The following FHIT variants were observed in gnomAD, a reference collection of about 807,000 sequenced individuals.
FHIT encodes the protein bis(5'-adenosyl)-triphosphatase.
A neutral mutation model predicts 17.9 loss-of-function variants in FHIT; 19 were observed. The observed-to-expected ratio is 1.06, with a 90% CI of 0.74 to 1.56. The LOEUF (loss-of-function observed/expected upper bound fraction) is 1.56. FHIT is among the 40% of genes most tolerant of loss of function. The probability of loss-of-function intolerance (pLI) is 0.00; values close to 1 mark genes in which losing one functional copy is unlikely to be tolerated. For synonymous variants in FHIT, 81 were observed against 69.7 expected, an observed-to-expected ratio of 1.16 and a Z score of -0.81; for missense variants, 248 against 189.2, an observed-to-expected ratio of 1.31 and a Z score of -1.82.
intron 5 of FHIT, among the ~76,000 whole-genome samples, chr3:60,469,179 G>A (rs1021470370): frequency 1.3e-5 from 2 of 152,016 alleles, no homozygotes; most frequent in Non-Finnish European, 2.9e-5. Context: ...TTACCTTCCT[G>A]TACTTAAATA....
intron 5 of FHIT, among the ~76,000 whole-genome samples, chr3:60,052,636 A>G (rs1392395317): frequency 6.6e-6 from 1 of 151,958 alleles, no homozygotes; most frequent in Non-Finnish European, 1.5e-5. Context: ...CCAGACAGGA[A>G]ACCAAACCAC....
At chr3:60,164,234 C>G (rs1373303807) in intron 5 of FHIT, among the ~76,000 whole-genome samples, 3 of 152,164 alleles carry the variant, frequency 2.0e-5, no homozygotes, top group African/African-American at 4.8e-5. Flanking sequence ...AACACATCAG[C>G]AGAACTTTCT....
At chr3:60,658,475 G>A (rs1418595861) in intron 4 of FHIT, among the ~76,000 whole-genome samples, 2 of 151,868 alleles carry the variant, frequency 1.3e-5, no homozygotes, top group Non-Finnish European at 2.9e-5. Flanking sequence ...AGTTACCACA[G>A]GGATTATATT....
intron 2 of FHIT, among the ~76,000 whole-genome samples, chr3:61,143,101 T>C (rs773704966): frequency 6.1e-4 from 93 of 152,282 alleles, no homozygotes; most frequent in African/African-American, 2.1e-3. Flanking sequence ...ATTGTGAAGA[T>C]ACAAGTTTGA....
At chr3:60,677,000 T>C (rs1010895110) in intron 4 of FHIT, among the ~76,000 whole-genome samples, 2 of 152,010 alleles carry the variant, frequency 1.3e-5, no homozygotes, top group Non-Finnish European at 1.5e-5. Context: ...TGAGCCTCCA[T>C]AGTAGCTGGG....
intron 5 of FHIT, among the ~76,000 whole-genome samples, chr3:60,466,797 A>G (rs572241918): frequency 7.2e-6 from 1 of 139,816 alleles, no homozygotes; most frequent in Non-Finnish European, 1.6e-5. Flanking sequence ...TTTTGCATCT[A>G]TATTCATCAG....
At chr3:60,106,916 C>T (rs1398056391) in intron 5 of FHIT, among the ~76,000 whole-genome samples, 1 of 152,094 alleles carries the variant, frequency 6.6e-6, no homozygotes, top group Admixed American at 6.5e-5. Flanking sequence ...AAATGTGAAA[C>T]TTCCTTGTGA....
chr3:60,415,434 A>G (rs1169822772), intron 5 of FHIT, among the ~76,000 whole-genome samples: 1 of 152,170 alleles, frequency 6.6e-6, no homozygotes, highest in Non-Finnish European at 1.5e-5. Flanking sequence ...ACCTTTGTGA[A>G]GCTACGACAA....
At chr3:60,088,221 C>T (rs866253673) in intron 5 of FHIT, among the ~76,000 whole-genome samples, 8 of 152,100 alleles carry the variant, frequency 5.3e-5, no homozygotes, top group African/African-American at 7.2e-5. Context: ...CTATTCATGA[C>T]GGATCTGCCT....
intron 5 of FHIT, among the ~76,000 whole-genome samples, chr3:60,396,320 C>G (rs564218235): frequency 6.6e-6 from 1 of 152,264 alleles, no homozygotes; most frequent in African/African-American, 2.4e-5. Flanking sequence ...CTAGAGAAAA[C>G]AGCTATATAA....
intron 4 of FHIT, chr3:60,730,188 CCT>C (rs1339571025): frequency 2.7e-6 from 1 of 375,736 alleles, no homozygotes; most frequent in African/African-American, 2.2e-5. Context: ...CTCTGTGTAT[CCT>C]CTCCCAGATT....
chr3:60,370,843 A>G (rs1398781675), intron 5 of FHIT, among the ~76,000 whole-genome samples: 1 of 152,228 alleles, frequency 6.6e-6, no homozygotes, highest in Non-Finnish European at 1.5e-5. Flanking sequence ...TACTCATTTG[A>G]TAACATAGTT....
intron 5 of FHIT, among the ~76,000 whole-genome samples, chr3:60,494,212 C>T (rs2034193375): frequency 2.0e-5 from 3 of 152,266 alleles, no homozygotes; most frequent in South Asian, 4.2e-4. Flanking sequence ...TTCTACATTC[C>T]CCACTACCCA....
chr3:61,002,098 G>T (rs1393087295), intron 3 of FHIT, among the ~76,000 whole-genome samples: 1 of 152,124 alleles, frequency 6.6e-6, no homozygotes, highest in Non-Finnish European at 1.5e-5. Flanking sequence ...TTAAATCAAG[G>T]TAATTAACAT....
intron 5 of FHIT, among the ~76,000 whole-genome samples, chr3:60,018,601 G>T (rs1295776173): frequency 6.6e-6 from 1 of 152,116 alleles, no homozygotes; most frequent in East Asian, 1.9e-4. Flanking sequence ...ACCTTCTAGA[G>T]TCAGGAGAGC....
chr3:60,142,191 C>T (rs1700064739), intron 5 of FHIT, among the ~76,000 whole-genome samples: 1 of 152,122 alleles, frequency 6.6e-6, no homozygotes, highest in Non-Finnish European at 1.5e-5. Context: ...CAAATCATGA[C>T]TCTGATATTT....
Position 60,520,427 on chromosome 3 carries a change from A to G in FHIT, c.103+16433T>C, listed in dbSNP as rs777330459. Among the ~76,000 whole-genome samples the G allele has an allele frequency of 6.6e-5, 10 of 152,152 alleles. No homozygotes were observed. The East Asian group carries it at 1.4e-3, about 21-fold the overall frequency. On this transcript the variant is annotated intron_variant, in intron 5 of 9. Transcript: ENST00000492590. The stretch of plus-strand genomic sequence containing the variant: ...GCTCCGTACCTCCTGTGTACGGATT[A>G]TATCAGGAGGCTGAGCTGTGGATGA...
intron 7 of FHIT, among the ~76,000 whole-genome samples, chr3:59,935,738 C>T (rs1029250320): frequency 2.6e-5 from 4 of 151,882 alleles, no homozygotes; most frequent in African/African-American, 7.2e-5. Flanking sequence ...TAGCTAGGTA[C>T]ATGAGTGGGA....
chr3:60,721,087 G>C (rs575722295), intron 4 of FHIT, among the ~76,000 whole-genome samples: 35 of 152,120 alleles, frequency 2.3e-4, no homozygotes, highest in Admixed American at 1.4e-3. Flanking sequence ...TTTTGTTGAA[G>C]CAATTGCTTT....
Sources: allele counts gnomAD v4.1 joint callset (sites outside exome capture counted in the v4.1 genomes callset), GRCh38; gene constraint gnomAD v4.1.1; transcripts MANE v1.5; gene names NCBI Gene and HGNC (gene_info 2026-07-23, HGNC 2026-07-21).